Variants in PRKN observed in about 807,000 individuals in gnomAD.
PRKN encodes the protein parkin RBR E3 ubiquitin protein ligase.
Under a neutral mutation model 59.5 loss-of-function variants are expected in PRKN, and 56 were observed. The ratio of observed to expected loss-of-function variants is 0.94; its 90% CI spans 0.76 to 1.18. PRKN has a LOEUF of 1.18. Among genes scored for constraint, PRKN ranks in the 50% most tolerant of loss-of-function variants. The probability of loss-of-function intolerance (pLI) is 0.00; values close to 1 mark genes in which losing one functional copy is unlikely to be tolerated. For synonymous variants in PRKN, 250 were observed against 222.1 expected, an observed-to-expected ratio of 1.13 and a Z score of -1.12; for missense variants, 657 against 596.4, an observed-to-expected ratio of 1.10 and a Z score of -1.06.
chr6:161,712,392 A>G (rs1786786252), intron 7 of PRKN, among the ~76,000 whole-genome samples: 1 of 152,202 alleles, frequency 6.6e-6, no homozygotes, highest in African/African-American at 2.4e-5. Context: ...ATAAGGATAC[A>G]TTCCGTATCT....
chr6:161,778,094 T>C (rs1167551240), intron 7 of PRKN, among the ~76,000 whole-genome samples: 3 of 151,812 alleles, frequency 2.0e-5, no homozygotes, highest in South Asian at 2.1e-4. Flanking sequence ...AGGTGAGGGC[T>C]ATAGCTGCAT....
chr6:162,249,744 C>CT (rs1779346364), intron 3 of PRKN, among the ~76,000 whole-genome samples: 1 of 152,158 alleles, frequency 6.6e-6, no homozygotes, highest in Non-Finnish European at 1.5e-5. Flanking sequence ...GCAGGCCTAT[C>CT]TGGTTAATTA....
chr6:162,118,830 C>T (rs2128304875), intron 4 of PRKN, among the ~76,000 whole-genome samples: 1 of 152,288 alleles, frequency 6.6e-6, no homozygotes, highest in African/African-American at 2.4e-5. Flanking sequence ...GGTGTCCTGG[C>T]CTTTGAACAC....
At chr6:161,794,945 C>A (rs1010470909) in intron 6 of PRKN, among the ~76,000 whole-genome samples, 1 of 151,928 alleles carries the variant, frequency 6.6e-6, no homozygotes, top group African/African-American at 2.4e-5. Flanking sequence ...AGTGCAGTGG[C>A]GCGATCTCAG....
intron 6 of PRKN, among the ~76,000 whole-genome samples, chr6:161,878,897 A>G (rs2128228969): frequency 6.6e-6 from 1 of 152,350 alleles, no homozygotes; most frequent in East Asian, 1.9e-4. Flanking sequence ...CTAGGCAGAC[A>G]GATGTTCGGC....
chr6:162,574,681 TC>T (rs35318894), intron 1 of PRKN, among the ~76,000 whole-genome samples: 80,218 of 151,512 alleles, frequency 0.53, 21,525 homozygotes, highest in East Asian at 0.71. Context: ...AAGATTGCTA[TC>T]CCCCAAAATG....
intron 2 of PRKN, among the ~76,000 whole-genome samples, chr6:162,288,383 C>G (rs748285348): frequency 6.6e-6 from 1 of 152,100 alleles, no homozygotes; most frequent in African/African-American, 2.4e-5. Flanking sequence ...TTAGGTTACA[C>G]TATAGGGCCA....
At chr6:161,823,196 CAAAG>C (rs1282869301) in intron 6 of PRKN, among the ~76,000 whole-genome samples, 1 of 151,916 alleles carries the variant, frequency 6.6e-6, no homozygotes, top group African/African-American at 2.4e-5. Flanking sequence ...CTTGTTCCCC[CAAAG>C]TATTGGGATT....
rs568050838 is a variant in PRKN at position 161,679,377 on chromosome 6, T to G, written c.871+106395A>C. Among the ~76,000 whole-genome samples the G allele has an allele frequency of 1.9e-4, 29 of 152,232 alleles. 1 individual carries two copies. The highest frequency in any genetic ancestry group is 1.8e-3 in the Admixed American group (27 of 15,294). On this transcript the variant is annotated intron_variant, in intron 7 of 11. Coordinates refer to ENST00000366898, the MANE Select transcript of PRKN (RefSeq NM_004562.3). ...CCTGGGAGGGTCTGCTTCAGGCCAC[T>G]GAGCTAGGCTGGAAACACCTGGGAC...
chr6:162,236,461 A>G (rs1381271984), intron 3 of PRKN, among the ~76,000 whole-genome samples: 1 of 151,976 alleles, frequency 6.6e-6, no homozygotes, highest in Admixed American at 6.6e-5. Flanking sequence ...CCTCCACACC[A>G]GTTCTTACTA....
intron 1 of PRKN, among the ~76,000 whole-genome samples, chr6:162,457,089 A>G (rs1790911696): frequency 6.6e-6 from 1 of 152,208 alleles, no homozygotes; most frequent in African/African-American, 2.4e-5. Context: ...AGCAACTCAA[A>G]TCTTCACAAC....
At chr6:162,556,342 G>GGGGTGTGTGTGT (rs1175202893) in intron 1 of PRKN, among the ~76,000 whole-genome samples, 2,136 of 57,158 alleles carry the variant, frequency 0.037, 156 homozygotes, top group Middle Eastern at 0.059. Context: ...CTACTCAGCT[G>GGGGTGTGTGTGT]GTGTGTGTGT....
intron 7 of PRKN, among the ~76,000 whole-genome samples, chr6:161,678,477 T>C (rs1271834261): frequency 6.6e-6 from 1 of 151,938 alleles, no homozygotes; most frequent in African/African-American, 2.4e-5. Flanking sequence ...GAAATGGTCA[T>C]GTATCCTTGG....
intron 1 of PRKN, among the ~76,000 whole-genome samples, chr6:162,659,706 A>C (rs1778806572): frequency 2.0e-5 from 3 of 152,188 alleles, no homozygotes; most frequent in Admixed American, 1.3e-4. Flanking sequence ...GAAAAAAAAG[A>C]AATGAAACCA....
chr6:161,860,470 A>G (rs1583260386), intron 6 of PRKN, among the ~76,000 whole-genome samples: 1 of 152,204 alleles, frequency 6.6e-6, no homozygotes, highest in Non-Finnish European at 1.5e-5. Context: ...AATATTTGCG[A>G]TCTCGCACTC....
chr6:161,903,238 T>C (rs773069580), intron 6 of PRKN, among the ~76,000 whole-genome samples: 4 of 152,194 alleles, frequency 2.6e-5, no homozygotes, highest in Non-Finnish European at 4.4e-5. Flanking sequence ...TTCCCAAGTC[T>C]GTACTCAGTG....
intron 1 of PRKN, among the ~76,000 whole-genome samples, chr6:162,621,050 G>A (rs1782642119): frequency 6.6e-6 from 1 of 152,050 alleles, no homozygotes; most frequent in Non-Finnish European, 1.5e-5. Context: ...TAGTCTCATT[G>A]GAAGCTTGTG....
At chr6:162,085,060 C>T (rs1292697821) in intron 4 of PRKN, among the ~76,000 whole-genome samples, 3 of 122,124 alleles carry the variant, frequency 2.5e-5, no homozygotes, top group Middle Eastern at 3.7e-3. Context: ...CACAAACACA[C>T]ACACAAAGAG....
At chr6:162,455,298 C>T (rs989341329) in intron 1 of PRKN, among the ~76,000 whole-genome samples, 7 of 152,206 alleles carry the variant, frequency 4.6e-5, no homozygotes, top group African/African-American at 1.7e-4. Flanking sequence ...TCCACCTACT[C>T]CTCTGTAGTA....
Sources: gnomAD v4.1 joint callset for allele counts (sites outside exome capture counted in the v4.1 genomes callset) on GRCh38, gnomAD v4.1.1 for gene constraint, MANE v1.5 for transcripts, NCBI Gene and HGNC (gene_info 2026-07-23, HGNC 2026-07-21) for gene names.